DAB1: variants seen among roughly 807,000 people sequenced by gnomAD.
DAB1 encodes disabled homolog 1.
A neutral mutation model predicts 64.6 loss-of-function variants in DAB1; 15 were observed. The observed-to-expected ratio is 0.23, with a 90% CI of 0.16 to 0.36. DAB1 has a LOEUF of 0.36. DAB1 is among the 10% of genes least tolerant of loss of function. DAB1 has a pLI of 1.00. For missense variants in DAB1, 596 were observed against 706.7 expected (o/e 0.84, Z 1.78); for synonymous variants, 235 against 251.9 (o/e 0.93, Z 0.64).
At chr1:57,699,717 A>G (rs1174909996) in intron 6 of DAB1, among the ~76,000 whole-genome samples, 4 of 152,104 alleles carry the variant, frequency 2.6e-5, no homozygotes, top group Non-Finnish European at 5.9e-5. Flanking sequence ...GATTGAGGCC[A>G]TCCTGGCCAA....
At chr1:58,060,803 G>A (rs368557314) in intron 5 of DAB1, among the ~76,000 whole-genome samples, 1 of 152,238 alleles carries the variant, frequency 6.6e-6, no homozygotes, top group South Asian at 2.1e-4. Flanking sequence ...CCCGAGCAGT[G>A]TCTTCCATGA....
At position 57,540,558 on chromosome 1, in the gene DAB1, A is replaced by G. The variant is rs1644789162; in HGVS notation, n.625+109034T>C. Among the ~76,000 whole-genome samples the G allele has an allele frequency of 2.6e-5, 4 of 152,354 alleles. No homozygotes were observed. In the South Asian group the frequency reaches 8.3e-4, roughly 32 times the overall value. On this transcript the variant is annotated intron_variant and non_coding_transcript_variant, in intron 7 of 20. Transcript: ENST00000485760. ...GTGAAATCAACCTAGGTGTCCATCA[A>G]TGGATGAATGGATAAAGAAAATGTA...
intron 5 of DAB1, among the ~76,000 whole-genome samples, chr1:58,133,495 T>C (rs1215520841): frequency 6.6e-6 from 1 of 152,202 alleles, no homozygotes; most frequent in Admixed American, 6.5e-5. Context: ...GAATCCCATC[T>C]TCATCTCTAA....
chr1:57,549,563 C>T (rs1644892101), intron 7 of DAB1, among the ~76,000 whole-genome samples: 1 of 152,144 alleles, frequency 6.6e-6, no homozygotes, highest in Non-Finnish European at 1.5e-5. Context: ...CCCAGGCAGG[C>T]CGAGTCCATC....
chr1:57,838,751 CTTAT>C lies in DAB1; in HGVS notation n.88-12300_88-12297del, dbSNP rs1652921385. Among the ~76,000 whole-genome samples the C allele has an allele frequency of 3.3e-5, 5 of 150,810 alleles. No homozygotes were observed. In the South Asian group the frequency reaches 1.0e-3, roughly 32 times the overall value. On this transcript the variant is annotated intron_variant and non_coding_transcript_variant, in intron 1 of 1. Transcript: ENST00000477280. ...CAGAGACTTACTTAGGTAAACATAA[CTTAT>C]TTATTTTCTTTCTTCCTTTTTTTTT...
downstream of DAB1, among the ~76,000 whole-genome samples, chr1:57,824,669 CA>C (rs1328392481): frequency 6.6e-6 from 1 of 152,144 alleles, no homozygotes; most frequent in African/African-American, 2.4e-5. Flanking sequence ...GCGTCTTAAC[CA>C]ACACCATAGC....
At chr1:57,124,013 G>T (rs1055586066) in intron 4 of DAB1, among the ~76,000 whole-genome samples, 4 of 152,048 alleles carry the variant, frequency 2.6e-5, no homozygotes, top group Non-Finnish European at 5.9e-5. Flanking sequence ...TAAGGACCAG[G>T]CTCTATCAAC....
chr1:57,157,068 T>C (rs1370986095), intron 2 of DAB1, among the ~76,000 whole-genome samples: 4 of 152,202 alleles, frequency 2.6e-5, no homozygotes, highest in Non-Finnish European at 5.9e-5. Flanking sequence ...CAGAGTCCAC[T>C]GGAGTCGTAA....
chr1:57,829,603 C>A (rs1268503963), intron 1 of DAB1, among the ~76,000 whole-genome samples: 3 of 152,122 alleles, frequency 2.0e-5, no homozygotes, highest in Admixed American at 6.5e-5. Context: ...GAGCTTCTTG[C>A]CAGGTGACAA....
At chr1:57,080,473 A>G (rs1395656290) in intron 4 of DAB1, among the ~76,000 whole-genome samples, 3 of 152,210 alleles carry the variant, frequency 2.0e-5, no homozygotes, top group Non-Finnish European at 4.4e-5. Context: ...TTAAATTTTC[A>G]TAACTAGACA....
At chr1:57,738,668 T>C (rs12139148) in intron 6 of DAB1, among the ~76,000 whole-genome samples, 26,376 of 152,216 alleles carry the variant, frequency 0.17, 2,970 homozygotes, top group Admixed American at 0.29. Context: ...TTTGATTATT[T>C]ATACTTAAGA....
chr1:57,300,545 G>A (rs183731182), intron 1 of DAB1, among the ~76,000 whole-genome samples: 237 of 152,248 alleles, frequency 1.6e-3, no homozygotes, highest in African/African-American at 5.4e-3. Context: ...GAGAGAAGAC[G>A]TAATCAATCC....
intron 3 of DAB1, among the ~76,000 whole-genome samples, chr1:58,462,158 C>T (rs1645250024): frequency 7.7e-6 from 1 of 130,440 alleles, no homozygotes; most frequent in East Asian, 2.3e-4. Context: ...CTCGCTCTGT[C>T]GCCCAGGCCG....
chr1:57,140,928 A>G (rs1658532611), intron 3 of DAB1, among the ~76,000 whole-genome samples: 1 of 152,142 alleles, frequency 6.6e-6, no homozygotes, highest in South Asian at 2.1e-4. Context: ...TGAGAATCAG[A>G]TGTATGATGT....
At chr1:58,519,960 G>A (rs895131416) in intron 2 of DAB1, among the ~76,000 whole-genome samples, 4 of 148,962 alleles carry the variant, frequency 2.7e-5, no homozygotes, top group African/African-American at 5.1e-5. Context: ...GATAGGTAGT[G>A]GAAAACACAT....
At chr1:57,858,621 G>A (rs1653866184) in intron 1 of DAB1, among the ~76,000 whole-genome samples, 1 of 151,716 alleles carries the variant, frequency 6.6e-6, no homozygotes, top group South Asian at 2.1e-4. Flanking sequence ...GGGGGTGGCT[G>A]AGGGAGCCAG....
intron 4 of DAB1, among the ~76,000 whole-genome samples, chr1:58,330,488 T>C (rs1662944888): frequency 6.6e-6 from 1 of 152,222 alleles, no homozygotes; most frequent in Admixed American, 6.5e-5. Flanking sequence ...ATTTTCAATT[T>C]AGATGAAATA....
At chr1:58,358,175 G>C (rs1382226954) in intron 3 of DAB1, among the ~76,000 whole-genome samples, 3 of 152,218 alleles carry the variant, frequency 2.0e-5, no homozygotes, top group Non-Finnish European at 2.9e-5. Flanking sequence ...AGATGGTAGA[G>C]GGGGAGCAGG....
chr1:57,745,345 A>G (rs1335011498), intron 6 of DAB1, among the ~76,000 whole-genome samples: 15 of 152,192 alleles, frequency 9.9e-5, no homozygotes, highest in Admixed American at 9.8e-4. Context: ...GAGTTTAAAT[A>G]CACAAAAGTG....
Sources: allele counts gnomAD v4.1 joint callset (sites outside exome capture counted in the v4.1 genomes callset), GRCh38; gene constraint gnomAD v4.1.1; transcripts MANE v1.5; gene names NCBI Gene and HGNC (gene_info 2026-07-23, HGNC 2026-07-21).